BAZ2B: variants seen among roughly 807,000 people sequenced by gnomAD.
BAZ2B encodes bromodomain adjacent to zinc finger domain protein 2B.
In BAZ2B, 91 loss-of-function variants were observed where a neutral mutation model predicts 246.0. That is an observed-to-expected ratio of 0.37 (90% CI 0.31 to 0.44). BAZ2B has a LOEUF of 0.44. Among genes scored for constraint, BAZ2B ranks in the 20% least tolerant of loss-of-function variants. BAZ2B has a pLI of 1.00. For missense variants in BAZ2B, 2,332 were observed against 2,533.7 expected, an observed-to-expected ratio of 0.92 and a Z score of 1.71; for synonymous variants, 855 against 860.0, an observed-to-expected ratio of 0.99 and a Z score of 0.10.
the BAZ2B span, among the ~76,000 whole-genome samples, chr2:159,700,783 A>G: frequency 6.6e-6 from 1 of 151,778 alleles, no homozygotes; most frequent in African/African-American, 2.4e-5. Context: ...TTCCTTGAAT[A>G]TTTTTTGATA....
At chr2:159,635,330 T>A in the BAZ2B span, among the ~76,000 whole-genome samples, 6 of 151,678 alleles carry the variant, frequency 4.0e-5, no homozygotes, top group East Asian at 1.2e-3. Context: ...GTTGCTACTT[T>A]TACAGAGTAA....
At chr2:159,397,449 G>A in intron 18 of BAZ2B, 60 bp from the exon 19 acceptor site, 1 of 1,128,236 alleles carries the variant, frequency 8.9e-7, no homozygotes, top group African/African-American at 1.6e-5. Context: ...CATGCTAAAA[G>A]TATTAAAAGT....
chr2:159,392,257 C>G (rs905826331), intron 20 of BAZ2B: 1 of 152,226 alleles, frequency 6.6e-6, no homozygotes, highest in Non-Finnish European at 1.5e-5. Flanking sequence ...ACCCCCAGGT[C>G]TTGTTTAGTC....
chr2:159,423,334 A>AAACAAACAAACAAACAAAC (rs2069132880), intron 13 of BAZ2B, among the ~76,000 whole-genome samples: 1 of 76,386 alleles, frequency 1.3e-5, no homozygotes, highest in African/African-American at 4.1e-5. Flanking sequence ...AACAAACAAA[A>AAACAAACAAACAAACAAAC]GAATGGCTAT....
chr2:159,536,505 T>A (rs1483656932), intron 2 of BAZ2B, among the ~76,000 whole-genome samples: 5 of 152,142 alleles, frequency 3.3e-5, no homozygotes, highest in Non-Finnish European at 7.4e-5. Context: ...ACCATGTGTG[T>A]TAGTGAGTGG....
chr2:159,441,656 A>AT (rs3836180), intron 6 of BAZ2B, among the ~76,000 whole-genome samples: 52,560 of 151,826 alleles, frequency 0.35, 10,370 homozygotes, highest in Non-Finnish European at 0.47. Flanking sequence ...AATTTAAAAC[A>AT]TTTTTTTAAA....
chr2:159,378,971 C>T (rs2061696564), intron 25 of BAZ2B, among the ~76,000 whole-genome samples: 1 of 152,140 alleles, frequency 6.6e-6, no homozygotes, highest in Non-Finnish European at 1.5e-5. Context: ...ATAGAACTAT[C>T]TGATCCTGCA....
At chr2:159,703,999 A>G in the BAZ2B span, among the ~76,000 whole-genome samples, 1 of 152,234 alleles carries the variant, frequency 6.6e-6, no homozygotes, top group Non-Finnish European at 1.5e-5. Context: ...AATATAAGAT[A>G]AATATTTTAA....
intron 2 of BAZ2B, among the ~76,000 whole-genome samples, chr2:159,509,548 C>T (rs1256539968): frequency 6.6e-6 from 1 of 152,086 alleles, no homozygotes; most frequent in Non-Finnish European, 1.5e-5. Flanking sequence ...ATTCATTCAG[C>T]CTAATCTTTT....
chr2:159,427,811 C>A (rs1222706257), intron 13 of BAZ2B, 130 bp downstream of exon 13: 1 of 653,126 alleles, frequency 1.5e-6, no homozygotes, highest in East Asian at 2.9e-5. Context: ...GTGCTTACCA[C>A]AAAGTTATAT....
the BAZ2B span, among the ~76,000 whole-genome samples, chr2:159,653,849 A>G: frequency 1.2e-3 from 190 of 152,318 alleles, 2 homozygotes; most frequent in African/African-American, 4.5e-3. Flanking sequence ...GTATCTTACA[A>G]TATTTGGTTG....
chr2:159,378,536 C>T (rs1216902663), intron 25 of BAZ2B, among the ~76,000 whole-genome samples: 2 of 152,154 alleles, frequency 1.3e-5, no homozygotes, highest in African/African-American at 4.8e-5. Flanking sequence ...CAGGAGAAAA[C>T]ATTTGCAAAT....
chr2:159,336,144 G>A (rs1220643297), intron 33 of BAZ2B, among the ~76,000 whole-genome samples: 1 of 152,198 alleles, frequency 6.6e-6, no homozygotes, highest in Non-Finnish European at 1.5e-5. Flanking sequence ...CTGGGTGAGC[G>A]AGACTCTGTC....
upstream of BAZ2B, among the ~76,000 whole-genome samples, chr2:159,619,067 ATTAAT>A (rs948559947): frequency 6.2e-4 from 94 of 152,232 alleles, no homozygotes; most frequent in African/African-American, 2.1e-3. Flanking sequence ...AATAAAATTC[ATTAAT>A]TTAAATTGTG....
chr2:159,570,088 T>C (rs1683588246), intron 1 of BAZ2B, among the ~76,000 whole-genome samples: 1 of 152,132 alleles, frequency 6.6e-6, no homozygotes, highest in Non-Finnish European at 1.5e-5. Context: ...AGAATAAAGA[T>C]TCTTATCTAT....
intron 8 of BAZ2B, among the ~76,000 whole-genome samples, chr2:159,436,699 G>C (rs867136623): frequency 1.3e-4 from 19 of 151,978 alleles, no homozygotes; most frequent in Non-Finnish European, 2.5e-4. Context: ...TGCAGTGAGC[G>C]GAGATCTTGC....
chr2:159,559,240 T>TA (rs200773609), intron 1 of BAZ2B, among the ~76,000 whole-genome samples: 9,267 of 144,112 alleles, frequency 0.064, 397 homozygotes, highest in East Asian at 0.23. Context: ...GTAACCCTGT[T>TA]AAAAAAAAAA....
intron 27 of BAZ2B, among the ~76,000 whole-genome samples, chr2:159,370,796 T>G (rs34459426): frequency 0.32 from 48,689 of 152,022 alleles, 7,947 homozygotes; most frequent in South Asian, 0.46. Flanking sequence ...TTTTAAAGTA[T>G]CATTCATTTA....
chr2:159,462,650 C>A (rs1377988171), intron 3 of BAZ2B: 2 of 1,000,670 alleles, frequency 2.0e-6, no homozygotes, highest in Admixed American at 3.4e-5. Flanking sequence ...CTGAACACTG[C>A]CATCTTCGTA....
Sources: gnomAD v4.1 joint callset for allele counts (sites outside exome capture counted in the v4.1 genomes callset) on GRCh38, gnomAD v4.1.1 for gene constraint, MANE v1.5 for transcripts, NCBI Gene and HGNC (gene_info 2026-07-23, HGNC 2026-07-21) for gene names.